The following LYN variants were observed in gnomAD, a reference collection of about 807,000 sequenced individuals.
LYN encodes the protein LYN proto-oncogene, Src family tyrosine kinase.
A neutral mutation model predicts 65.0 loss-of-function variants in LYN; 12 were observed. That is an observed-to-expected ratio of 0.18 (90% CI 0.12 to 0.30). The LOEUF (loss-of-function observed/expected upper bound fraction) is 0.30. Ranked by LOEUF, LYN falls within the 10% of genes least tolerant of loss-of-function variation. LYN has a pLI of 1.00. For synonymous variants in LYN, 222 were observed against 221.2 expected (o/e 1.00, Z -0.03); for missense variants, 380 against 623.2 (o/e 0.61, Z 4.16).
intron 1 of LYN, among the ~76,000 whole-genome samples, chr8:55,888,598 A>G (rs948791838): frequency 6.6e-6 from 1 of 152,258 alleles, no homozygotes; most frequent in Non-Finnish European, 1.5e-5. Context: ...ATTTGAAGCT[A>G]GAAAGTAACA....
intron 1 of LYN, among the ~76,000 whole-genome samples, chr8:55,895,173 C>T (rs1252600273): frequency 1.3e-5 from 2 of 151,974 alleles, no homozygotes; most frequent in Non-Finnish European, 2.9e-5. Context: ...GGCATCTCTG[C>T]GTTTTAACTG....
At chr8:55,948,159 A>G (rs1308178992) in intron 4 of LYN, among the ~76,000 whole-genome samples, 1 of 152,046 alleles carries the variant, frequency 6.6e-6, no homozygotes, top group Non-Finnish European at 1.5e-5. Context: ...ATTTTTGTAG[A>G]GATGGGATCT....
intron 1 of LYN, among the ~76,000 whole-genome samples, chr8:55,933,950 A>G (rs1414699077): frequency 2.6e-5 from 4 of 152,206 alleles, no homozygotes; most frequent in African/African-American, 4.8e-5. Context: ...AGCTTTGGCC[A>G]GGCGCAGTGG....
chr8:55,978,277 G>A (rs1008101380), intron 10 of LYN, among the ~76,000 whole-genome samples: 18 of 152,184 alleles, frequency 1.2e-4, no homozygotes, highest in African/African-American at 4.3e-4. Context: ...ATGATTAGAA[G>A]GGGTGAAAGC....
intron 10 of LYN, among the ~76,000 whole-genome samples, chr8:55,977,715 C>A (rs1210205459): frequency 6.7e-6 from 1 of 148,950 alleles, no homozygotes; most frequent in Non-Finnish European, 1.5e-5. Context: ...GAGTTTGAGC[C>A]CAGCCTGGGC....
At chr8:55,900,552 T>C (rs1805233683) in intron 1 of LYN, among the ~76,000 whole-genome samples, 1 of 150,896 alleles carries the variant, frequency 6.6e-6, no homozygotes, top group South Asian at 2.1e-4. Context: ...TTTTTTTTTT[T>C]TTTTTTTTGG....
intron 1 of LYN, among the ~76,000 whole-genome samples, chr8:55,926,277 C>T (rs949499152): frequency 6.6e-6 from 1 of 152,172 alleles, no homozygotes; most frequent in African/African-American, 2.4e-5. Flanking sequence ...GTACCTGCTG[C>T]CCATCCTGTG....
intron 10 of LYN, among the ~76,000 whole-genome samples, chr8:55,984,799 C>A (rs956250002): frequency 6.6e-6 from 1 of 152,256 alleles, no homozygotes; most frequent in African/African-American, 2.4e-5. Flanking sequence ...GGGAAGCCCC[C>A]ATAAGGCCAT....
intron 10 of LYN, among the ~76,000 whole-genome samples, chr8:55,997,903 T>G (rs934531163): frequency 2.6e-5 from 4 of 151,998 alleles, no homozygotes; most frequent in Non-Finnish European, 1.5e-5. Flanking sequence ...GCTAACATGG[T>G]GAAACCCCGT....
intron 1 of LYN, among the ~76,000 whole-genome samples, chr8:55,938,100 G>A (rs936609714): frequency 1.3e-5 from 2 of 152,188 alleles, no homozygotes; most frequent in Non-Finnish European, 2.9e-5. Flanking sequence ...GCTCTTGAAT[G>A]AGGATGAGCC....
chr8:55,949,248 A>G lies in LYN; in HGVS notation c.285-1211A>G, dbSNP rs553673094. Among the ~76,000 whole-genome samples the G allele has an allele frequency of 2.6e-5, 4 of 152,340 alleles. No individual in the cohort carries two copies. The East Asian group carries it at 7.7e-4, about 29-fold the overall frequency. ...GTATTCCCTTGACTCTCATTTCTAT[A>G]AGGATTTGAAAGCATTTCTTAGCTA... On this transcript the variant is annotated intron_variant, in intron 4 of 12. Transcript: ENST00000519728.
intron 10 of LYN, among the ~76,000 whole-genome samples, chr8:55,985,014 C>A (rs930632052): frequency 4.6e-5 from 7 of 152,184 alleles, no homozygotes; most frequent in Non-Finnish European, 8.8e-5. Flanking sequence ...AGGACTAGGG[C>A]CCTGAATAAG....
At chr8:55,942,391 ATGTGTATATATGTGTATATATATG>A (rs1806646049) in intron 2 of LYN, among the ~76,000 whole-genome samples, 1 of 123,808 alleles carries the variant, frequency 8.1e-6, no homozygotes, top group African/African-American at 3.5e-5. Flanking sequence ...GTATATATAT[ATGTGTATATATGTGTATATATATG>A]TGTGTATATA....
chr8:55,943,683 C>T (rs1585624082), intron 2 of LYN, among the ~76,000 whole-genome samples: 1 of 152,178 alleles, frequency 6.6e-6, no homozygotes, highest in South Asian at 2.1e-4. Context: ...TTTCTGCCTG[C>T]CCTCCCCTCA....
chr8:55,955,346 CTT>C (rs1807076868), intron 8 of LYN: 1 of 152,232 alleles, frequency 6.6e-6, no homozygotes, highest in Non-Finnish European at 1.5e-5. Flanking sequence ...AATTACATGA[CTT>C]CACATTCTCC....
At chr8:55,978,381 G>A (rs1386772841) in intron 10 of LYN, among the ~76,000 whole-genome samples, 1 of 152,254 alleles carries the variant, frequency 6.6e-6, no homozygotes, top group Admixed American at 6.5e-5. Flanking sequence ...TGTGCATGGG[G>A]CAGCTGAGGA....
chr8:55,884,462 G>T (rs1804734806), intron 1 of LYN, among the ~76,000 whole-genome samples: 1 of 150,608 alleles, frequency 6.6e-6, no homozygotes, highest in Non-Finnish European at 1.5e-5. Flanking sequence ...TTTTTATTCT[G>T]CCTCCCACTG....
At chr8:55,945,848 A>G (rs1314111757) in intron 2 of LYN, among the ~76,000 whole-genome samples, 1 of 152,174 alleles carries the variant, frequency 6.6e-6, no homozygotes. Context: ...AGCCCTGACC[A>G]TGCAATTTTA....
chr8:55,961,533 T>C (rs1266875483), intron 8 of LYN, among the ~76,000 whole-genome samples: 1 of 152,170 alleles, frequency 6.6e-6, no homozygotes, highest in Non-Finnish European at 1.5e-5. Flanking sequence ...TTGACACAGC[T>C]GCTTTATCTA....
Sources: allele counts gnomAD v4.1 joint callset (sites outside exome capture counted in the v4.1 genomes callset), GRCh38; gene constraint gnomAD v4.1.1; transcripts MANE v1.5; gene names NCBI Gene and HGNC (gene_info 2026-07-23, HGNC 2026-07-21).